The following EAF2 variants were observed in gnomAD, a reference collection of about 807,000 sequenced individuals.
EAF2 encodes the protein ELL associated factor 2, also known as ELL-associated factor 2.
A neutral mutation model predicts 29.4 loss-of-function variants in EAF2; 29 were observed. The observed-to-expected ratio is 0.99, with a 90% CI of 0.73 to 1.35. The LOEUF (loss-of-function observed/expected upper bound fraction) is 1.35, where lower values mean the gene tolerates loss of function less well. Ranked by LOEUF, EAF2 falls within the 40% of genes most tolerant of loss-of-function variation. The pLI is 0.00. For synonymous variants in EAF2, 103 were observed against 102.5 expected (o/e 1.00, Z -0.03); for missense variants, 292 against 312.0 (o/e 0.94, Z 0.48).
At chr3:121,855,870 T>TTA (rs1345570932) in intron 3 of EAF2, among the ~76,000 whole-genome samples, 1 of 152,224 alleles carries the variant, frequency 6.6e-6, no homozygotes, top group African/African-American at 2.4e-5. Flanking sequence ...TCGTTACATA[T>TTA]TAAAGTCTTT....
rs1167466790 is a variant in EAF2, at chr3:121,840,515, A to AAAAAAAAAAAAAAC, written c.107-3932_107-3931insAAAAAAACAAAAAA. Among the ~76,000 whole-genome samples, 42 of 97,952 alleles carry AAAAAAAAAAAAAAC rather than the reference A, an allele frequency of 4.3e-4. 5 individuals are homozygous for AAAAAAAAAAAAAAC. The highest frequency in any genetic ancestry group is 5.5e-4 in the Non-Finnish European group (27 of 49,142). The allele number at this position is 97,952 out of a possible 152,430, so 64.3% of individuals were successfully genotyped here. ...AAAAAAAAAAAAAAAAAAAGAAAAA[A>AAAAAAAAAAAAAAC]AAAAAACGGGCCGGGTGCGGTGGCT... On this transcript the variant is annotated intron_variant, in intron 1 of 5. Coordinates refer to ENST00000273668, the MANE Select transcript of EAF2 (RefSeq NM_018456.6).
At chr3:121,878,822 C>T (rs1369088262) in intron 5 of EAF2, among the ~76,000 whole-genome samples, 1 of 152,080 alleles carries the variant, frequency 6.6e-6, no homozygotes, top group African/African-American at 2.4e-5. Context: ...CATATTTTGG[C>T]TCTTGTGAAT....
chr3:121,871,148 G>T (rs1435213471), intron 4 of EAF2, among the ~76,000 whole-genome samples: 1 of 151,526 alleles, frequency 6.6e-6, no homozygotes, highest in Non-Finnish European at 1.5e-5. Context: ...TAGAAAATGG[G>T]TAACTAACTT....
intron 2 of EAF2, among the ~76,000 whole-genome samples, chr3:121,847,613 A>AT: frequency 6.6e-6 from 1 of 152,218 alleles, no homozygotes; most frequent in South Asian, 2.1e-4. Context: ...ATTATAACTC[A>AT]TTTAAACAGT....
intron 1 of EAF2, among the ~76,000 whole-genome samples, chr3:121,843,688 C>T (rs1708471887): frequency 6.6e-6 from 1 of 152,000 alleles, no homozygotes; most frequent in South Asian, 2.1e-4. Context: ...GCTTGTTTAA[C>T]ATGTGAAATA....
intron 1 of EAF2, chr3:121,836,715 T>G: frequency 1.0e-6 from 1 of 987,820 alleles, no homozygotes; most frequent in Non-Finnish European, 1.2e-6. Flanking sequence ...TTTCCGGAAG[T>G]GTGATATGCG....
At chr3:121,861,796 T>A (rs1708838141) in intron 4 of EAF2, among the ~76,000 whole-genome samples, 2 of 152,192 alleles carry the variant, frequency 1.3e-5, no homozygotes. Flanking sequence ...CATGTTTTTG[T>A]AGTGGCTGGT....
chr3:121,856,160 C>T (rs1340361687), intron 3 of EAF2, among the ~76,000 whole-genome samples: 2 of 152,026 alleles, frequency 1.3e-5, no homozygotes, highest in Non-Finnish European at 2.9e-5. Flanking sequence ...TATTATCATG[C>T]CTGTCTTAAG....
chr3:121,849,840 T>A (rs999649751), intron 2 of EAF2, among the ~76,000 whole-genome samples: 1 of 151,894 alleles, frequency 6.6e-6, no homozygotes, highest in Non-Finnish European at 1.5e-5. Flanking sequence ...TTATATTTTT[T>A]AATGAAGTAT....
intron 3 of EAF2, among the ~76,000 whole-genome samples, 166 bp from the exon 4 acceptor site, chr3:121,856,845 G>A (rs1708727154): frequency 6.6e-6 from 1 of 152,134 alleles, no homozygotes; most frequent in African/African-American, 2.4e-5. Context: ...AATAGAACTT[G>A]ATAAATACTT....
chr3:121,842,338 G>T (rs1289047229), intron 1 of EAF2, among the ~76,000 whole-genome samples: 3 of 152,126 alleles, frequency 2.0e-5, no homozygotes, highest in Admixed American at 2.0e-4. Flanking sequence ...AAATGACTTT[G>T]GTTCTTATTT....
chr3:121,867,021 A>C (rs1024367560), intron 4 of EAF2, among the ~76,000 whole-genome samples: 1 of 152,204 alleles, frequency 6.6e-6, no homozygotes, highest in Non-Finnish European at 1.5e-5. Flanking sequence ...ATACAATAAC[A>C]ACAAAAATAC....
At chr3:121,882,875 C>T (rs767939277) in intron 5 of EAF2, among the ~76,000 whole-genome samples, 3 of 151,496 alleles carry the variant, frequency 2.0e-5, no homozygotes, top group Non-Finnish European at 4.4e-5. Flanking sequence ...CATCTCTGAC[C>T]ATTACTGCAA....
intron 4 of EAF2, among the ~76,000 whole-genome samples, chr3:121,861,747 T>C (rs1250618073): frequency 1.9e-4 from 29 of 152,234 alleles, no homozygotes; most frequent in Non-Finnish European, 4.4e-5. Context: ...CGTTAGTTTA[T>C]GTAGTTTCTT....
At chr3:121,873,730 T>A (rs2107541737) in intron 5 of EAF2, among the ~76,000 whole-genome samples, 1 of 152,020 alleles carries the variant, frequency 6.6e-6, no homozygotes, top group African/African-American at 2.4e-5. Context: ...GCCACTATAT[T>A]CAAATACTTT....
intron 4 of EAF2, among the ~76,000 whole-genome samples, chr3:121,864,436 T>A (rs745778880): frequency 3.9e-5 from 6 of 152,224 alleles, no homozygotes; most frequent in Non-Finnish European, 5.9e-5. Context: ...TGAATTATGA[T>A]GTCTTTATAT....
Position 121,835,267 on chromosome 3 carries a change from T to G in EAF2, c.-19T>G, listed in dbSNP as rs1247962374. The G allele has an allele frequency of 6.2e-7, 1 of 1,612,736 alleles. No homozygotes were observed. The highest frequency in any genetic ancestry group is 1.7e-5 in the Admixed American group (1 of 60,008). On this transcript the variant is annotated 5_prime_UTR_variant, in exon 1 of 6. Transcript: ENST00000273668. The stretch of plus-strand genomic sequence containing the variant: ...GTGAGCGCTGGTGGCGGAGTTAAAG[T>G]CAAAGCAGGAGAGTAATTATGAATA...
At chr3:121,852,467 C>T (rs1340062470) in intron 2 of EAF2, among the ~76,000 whole-genome samples, 1 of 152,184 alleles carries the variant, frequency 6.6e-6, no homozygotes, top group Non-Finnish European at 1.5e-5. Flanking sequence ...CGTTTTAGAG[C>T]TAGCCCAGAC....
At chr3:121,851,024 G>A (rs1708623497) in intron 2 of EAF2, among the ~76,000 whole-genome samples, 1 of 152,004 alleles carries the variant, frequency 6.6e-6, no homozygotes, top group African/African-American at 2.4e-5. Context: ...TCCATTTAAA[G>A]TTAAGTATAT....
Sources: allele counts gnomAD v4.1 joint callset (sites outside exome capture counted in the v4.1 genomes callset), GRCh38; gene constraint gnomAD v4.1.1; transcripts MANE v1.5; gene names NCBI Gene and HGNC (gene_info 2026-07-23, HGNC 2026-07-21).